The following MAP7 variants were observed in gnomAD, a reference collection of about 807,000 sequenced individuals.
MAP7 encodes ensconsin.
A neutral mutation model predicts 94.8 loss-of-function variants in MAP7; 52 were observed. The observed-to-expected ratio is 0.55, with a 90% CI of 0.44 to 0.69. MAP7 has a LOEUF of 0.69. Ranked by LOEUF, MAP7 falls within the 30% of genes least tolerant of loss-of-function variation. The probability of loss-of-function intolerance (pLI) is 0.00; values close to 1 mark genes in which losing one functional copy is unlikely to be tolerated. For missense variants in MAP7, 940 were observed against 964.6 expected, an observed-to-expected ratio of 0.97 and a Z score of 0.34; for synonymous variants, 350 against 357.0, an observed-to-expected ratio of 0.98 and a Z score of 0.22.
intron 11 of MAP7, 48 bp from the exon 12 acceptor site, chr6:136,361,227 A>C: frequency 6.3e-7 from 1 of 1,592,636 alleles, no homozygotes; most frequent in Non-Finnish European, 8.5e-7. Context: ...CTGAGGAGAA[A>C]TCTTTGAAGA....
intron 15 of MAP7, among the ~76,000 whole-genome samples, chr6:136,359,407 G>A (rs997646729): frequency 1.3e-5 from 2 of 152,110 alleles, no homozygotes; most frequent in Non-Finnish European, 2.9e-5. Flanking sequence ...TGTCCAATGT[G>A]TAAATTTAAA....
chr6:136,445,322 T>G (rs985155616), intron 1 of MAP7, among the ~76,000 whole-genome samples: 4 of 152,162 alleles, frequency 2.6e-5, no homozygotes, highest in South Asian at 4.1e-4. Context: ...GAAGAAACCC[T>G]TATCTTCCAC....
intron 8 of MAP7, among the ~76,000 whole-genome samples, chr6:136,368,222 A>C (rs2038077): frequency 0.76 from 115,191 of 151,486 alleles, 44,611 homozygotes; most frequent in Middle Eastern, 0.86. Context: ...TCTTTTTTAA[A>C]CCTTTCAGTC....
intron 3 of MAP7, among the ~76,000 whole-genome samples, chr6:136,406,817 T>TAAAACA (rs1047959730): frequency 1.3e-5 from 2 of 151,948 alleles, no homozygotes; most frequent in African/African-American, 2.4e-5. Flanking sequence ...CAAGACTGTA[T>TAAAACA]AAAACAAAAA....
intron 1 of MAP7, among the ~76,000 whole-genome samples, chr6:136,532,150 A>T (rs1005927831): frequency 2.0e-5 from 3 of 152,190 alleles, no homozygotes; most frequent in African/African-American, 7.2e-5. Context: ...GCACTTGGAC[A>T]ACAAGCTCAC....
intron 1 of MAP7, among the ~76,000 whole-genome samples, chr6:136,500,342 A>G (rs1819482365): frequency 6.6e-6 from 1 of 152,218 alleles, no homozygotes; most frequent in Non-Finnish European, 1.5e-5. Flanking sequence ...CTCAACATTG[A>G]TTCTTCAAAT....
intron 3 of MAP7, among the ~76,000 whole-genome samples, chr6:136,399,591 C>T (rs900746380): frequency 1.3e-5 from 2 of 152,000 alleles, no homozygotes; most frequent in African/African-American, 4.8e-5. Flanking sequence ...TGGGCTCAAG[C>T]AATCCTCCTG....
At chr6:136,431,701 A>G (rs1034488258) in intron 1 of MAP7, among the ~76,000 whole-genome samples, 1 of 152,048 alleles carries the variant, frequency 6.6e-6, no homozygotes, top group African/African-American at 2.4e-5. Flanking sequence ...AATTTTTAGT[A>G]GAGACGGGGT....
chr6:136,517,436 T>C (rs1040094360), intron 1 of MAP7, among the ~76,000 whole-genome samples: 2 of 152,174 alleles, frequency 1.3e-5, no homozygotes, highest in Non-Finnish European at 2.9e-5. Flanking sequence ...ACAGAACATG[T>C]CAGTAGAAGT....
chr6:136,455,296 A>G (rs1261149967), intron 1 of MAP7, among the ~76,000 whole-genome samples: 1 of 152,200 alleles, frequency 6.6e-6, no homozygotes, highest in Non-Finnish European at 1.5e-5. Context: ...GAATAATTAT[A>G]AATATATATG....
chr6:136,478,576 AAG>A (rs1252380358), intron 1 of MAP7, among the ~76,000 whole-genome samples: 4 of 152,310 alleles, frequency 2.6e-5, no homozygotes, highest in Non-Finnish European at 5.9e-5. Flanking sequence ...CTAAGAAAAA[AAG>A]AGACATAATC....
chr6:136,499,557 A>C (rs1444818598), intron 1 of MAP7, among the ~76,000 whole-genome samples: 1 of 152,026 alleles, frequency 6.6e-6, no homozygotes, highest in African/African-American at 2.4e-5. Context: ...TCCACTACTT[A>C]TCTCTCCAGA....
In MAP7 at chr6:136,460,593, A is replaced by G. The variant is rs533366250; in HGVS notation, c.68-38794T>C. On this transcript the variant is annotated intron_variant, in intron 1 of 17. Coordinates refer to ENST00000354570, the MANE Select transcript of MAP7 (RefSeq NM_003980.6). The stretch of plus-strand genomic sequence containing the variant: ...GCCTGCCCTGTAGTTTTTCATTTGG[A>G]AAGACTGATTTCTTCTAGGTTAGAA... 7.9e-5 allele frequency among the ~76,000 whole-genome samples: 12 copies of G among 152,234 alleles called. No homozygotes were observed. In the East Asian group the frequency reaches 1.9e-3, roughly 24 times the overall value.
intron 1 of MAP7, among the ~76,000 whole-genome samples, chr6:136,438,094 A>G (rs1234164528): frequency 6.6e-6 from 1 of 152,190 alleles, no homozygotes; most frequent in Non-Finnish European, 1.5e-5. Context: ...CCAAAACACC[A>G]CTGAAAACCC....
At chr6:136,397,981 C>T (rs2128698015) in intron 3 of MAP7, among the ~76,000 whole-genome samples, 1 of 152,146 alleles carries the variant, frequency 6.6e-6, no homozygotes, top group African/African-American at 2.4e-5. Flanking sequence ...AGTGAAAATC[C>T]ACTGTAGCCT....
intron 1 of MAP7, among the ~76,000 whole-genome samples, chr6:136,456,849 GGAA>G (rs1325119971): frequency 1.2e-4 from 9 of 72,486 alleles, no homozygotes; most frequent in Admixed American, 3.5e-4. Flanking sequence ...AAGAAGAAGA[GGAA>G]GAAGAAGAAG....
chr6:136,346,919 A>G (rs950373001), intron 16 of MAP7, among the ~76,000 whole-genome samples: 5 of 152,190 alleles, frequency 3.3e-5, no homozygotes, highest in African/African-American at 1.2e-4. Context: ...CCAGCCTCCT[A>G]AAGCCCTTGC....
chr6:136,385,732 C>G (rs759473510), intron 5 of MAP7, among the ~76,000 whole-genome samples: 2 of 151,954 alleles, frequency 1.3e-5, no homozygotes, highest in African/African-American at 4.8e-5. Flanking sequence ...TTTTTCTCAC[C>G]GAACAAAACA....
At chr6:136,389,705 G>A (rs1780162826) in intron 3 of MAP7, among the ~76,000 whole-genome samples, 188 bp from the exon 4 acceptor site, 1 of 152,022 alleles carries the variant, frequency 6.6e-6, no homozygotes, top group Admixed American at 6.6e-5. Context: ...TTAATTTTTA[G>A]CATAATTTAA....
Sources: gnomAD v4.1 joint callset for allele counts (sites outside exome capture counted in the v4.1 genomes callset) on GRCh38, gnomAD v4.1.1 for gene constraint, MANE v1.5 for transcripts, NCBI Gene and HGNC (gene_info 2026-07-23, HGNC 2026-07-21) for gene names.